The following MRPS18A variants were observed in gnomAD, a reference collection of about 807,000 sequenced individuals.
The protein encoded by MRPS18A is mitochondrial ribosomal protein S18A, also known as large ribosomal subunit protein mL66.
Under a neutral mutation model 22.7 loss-of-function variants are expected in MRPS18A, and 20 were observed. The ratio of observed to expected loss-of-function variants is 0.88; its 90% confidence interval spans 0.62 to 1.28. MRPS18A has a LOEUF of 1.28. MRPS18A is among the 50% of genes most tolerant of loss of function. MRPS18A has a pLI of 0.00. For missense variants in MRPS18A, 294 were observed against 262.6 expected (o/e 1.12, Z -0.83); for synonymous variants, 106 against 99.1 (o/e 1.07, Z -0.41).
At chr6:43,681,248 C>T (rs1168548108) in intron 1 of MRPS18A, 128 bp from the exon 2 acceptor site, 2 of 966,342 alleles carry the variant, frequency 2.1e-6, no homozygotes, top group East Asian at 5.3e-5. Context: ...ATGGTCTCCA[C>T]CTAGAACAGA....
intron 1 of MRPS18A, among the ~76,000 whole-genome samples, chr6:43,686,583 G>A (rs960554124): frequency 1.3e-5 from 2 of 152,172 alleles, no homozygotes; most frequent in African/African-American, 4.8e-5. Flanking sequence ...GCTACAAAGA[G>A]ACCTCTTCTG....
Position 43,673,621 on chromosome 6 carries a change from C to A in MRPS18A, c.446+1581G>T, listed in dbSNP as rs989799231. ...TCCAGCCAGCTCTTTGGGAACACCC[C>A]AGCTCTAGCAAGAACCAAGTCTCTT... On this transcript the variant is annotated intron_variant, in intron 5 of 5. Transcript: ENST00000372133. This position sits in a 1 kb window ranked among gnomAD's most constrained non-coding sequence, Gnocchi z 4.2. Among the ~76,000 whole-genome samples, 1 of 152,284 alleles carries A rather than the reference C, an allele frequency of 6.6e-6. No individual in the cohort carries two copies. The highest frequency in any genetic ancestry group is 2.4e-5 in the African/African-American group (1 of 41,560).
In MRPS18A at chr6:43,678,533, G is replaced by A. The variant is rs763127878; in HGVS notation, c.237C>T (p.His79=). The change falls in exon 3 of 6, where the codon CAC becomes CAT. Residue 79 remains histidine, a synonymous_variant. Transcript: ENST00000372133. ...CCAGACTCACGTCATAGTTATACTT[G>A]TGCTTCAGGTTCCAACGGCAGATGG... is the stretch of plus-strand genomic sequence containing the variant. The part of the protein sequence containing the change: ...QCPICRWNLK[H]KYNYDDVLLL... 1 of 1,611,872 alleles carries A rather than the reference G, an allele frequency of 6.2e-7. No individual in the cohort carries two copies. Among genetic ancestry groups the A allele is most frequent in the Admixed American group, 1.7e-5 (1 of 60,010 alleles).
Position 43,687,663 on chromosome 6 carries a change from C to G in MRPS18A, c.112+5G>C. On this transcript the variant is annotated splice_donor_5th_base_variant and intron_variant, in intron 1 of 5. Transcript: ENST00000372133. ...TTCAGGAGGTTGCTGGGACGCATGA[C>G]TCACCTTCCCTGAACCCGCGAGCTG... is the stretch of plus-strand genomic sequence containing the variant. The G allele has an allele frequency of 9.3e-7, 1 of 1,072,712 alleles. No individual in the cohort carries two copies. The highest frequency in any genetic ancestry group is 1.3e-6 in the Non-Finnish European group (1 of 745,796). The allele number at this position is 1,072,712 out of a possible 1,614,324, so 66.4% of individuals were successfully genotyped here.
At chr6:43,679,012 G>C (rs1212598669) in intron 2 of MRPS18A, among the ~76,000 whole-genome samples, 2 of 152,166 alleles carry the variant, frequency 1.3e-5, no homozygotes, top group Non-Finnish European at 2.9e-5. Context: ...ACATGCACAT[G>C]GTAAAAAGTT....
intron 1 of MRPS18A, among the ~76,000 whole-genome samples, chr6:43,684,638 C>G (rs1374415776): frequency 1.3e-5 from 2 of 152,076 alleles, no homozygotes. Context: ...GACTATGTCC[C>G]CTGAATTCTT....
At position 43,671,697 on chromosome 6, in the gene MRPS18A, C is replaced by A; in HGVS notation, c.*65G>T. Reference sequence around the variant, plus strand: ...ACAGGAGTATAGTTGTGGCCAAGGGCTTGTGAGTGGGCCTCCTACTCCCCA... The same window carrying A: ...ACAGGAGTATAGTTGTGGCCAAGGGATTGTGAGTGGGCCTCCTACTCCCCA... On this transcript the variant is annotated 3_prime_UTR_variant, in exon 6 of 6. Coordinates refer to ENST00000372133, the MANE Select transcript of MRPS18A (RefSeq NM_018135.4). 2 of 1,595,452 alleles carry A rather than the reference C, an allele frequency of 1.3e-6. No individual in the cohort carries two copies. The highest frequency in any genetic ancestry group is 1.7e-6 in the Non-Finnish European group (2 of 1,164,756).
chr6:43,679,284 A>G (rs1774252104), intron 2 of MRPS18A, among the ~76,000 whole-genome samples: 1 of 152,202 alleles, frequency 6.6e-6, no homozygotes, highest in African/African-American at 2.4e-5. Context: ...AGCCCTCACA[A>G]CAAAGAATTA....
chr6:43,675,351 C>A, intron 4 of MRPS18A, 80 bp from the exon 5 acceptor site: 1 of 1,582,308 alleles, frequency 6.3e-7, no homozygotes. Context: ...CCCAAGGGAG[C>A]GGGAAGGTTG....
chr6:43,671,896 G>A lies in MRPS18A; in HGVS notation c.457C>T (p.Arg153Cys), dbSNP rs200626450. The A allele has an allele frequency of 1.7e-4, 279 of 1,609,344 alleles. 1 individual carries two copies. The South Asian group carries it at 2.3e-3, about 13-fold the overall frequency. ...GGCTTGACGGAGCCAGGAGCCCAGC[G>A]CGTCAGGTACCTGTGGAGGGAGAAC... is the stretch of plus-strand genomic sequence containing the variant. ...SKPQLNRYLT[R>C]WAPGSVKPIY... The change falls in exon 6 of 6, where the codon CGC becomes TGC. Residue 153 changes from arginine to cysteine, a missense_variant. By Grantham distance (180) the Arg-to-Cys change is radical (BLOSUM62 -3). Coordinates refer to ENST00000372133, the MANE Select transcript of MRPS18A (RefSeq NM_018135.4).
intron 1 of MRPS18A, among the ~76,000 whole-genome samples, chr6:43,685,972 T>C (rs572227248): frequency 1.3e-5 from 2 of 152,322 alleles, no homozygotes; most frequent in African/African-American, 4.8e-5. Flanking sequence ...CCATCCTTTT[T>C]TACTTTTTTT....
chr6:43,672,513 C>A, intron 5 of MRPS18A: 1 of 454,892 alleles, frequency 2.2e-6, no homozygotes, highest in Non-Finnish European at 4.6e-6. Flanking sequence ...TTGGGGATGG[C>A]CAGGGCCCTG....
rs1285966368 is a variant in MRPS18A, at chr6:43,673,557, C to T, written c.446+1645G>A. Among the ~76,000 whole-genome samples the T allele has an allele frequency of 1.3e-5, 2 of 152,258 alleles. No individual in the cohort carries two copies. The highest frequency in any genetic ancestry group is 4.8e-5 in the African/African-American group (2 of 41,470). ...GGCCTTGGGCCTGATGCCTGCGCCA[C>T]ACGGAGCGGCCAGCTGGCAGGGGGT... On this transcript the variant is annotated intron_variant, in intron 5 of 5. Coordinates refer to ENST00000372133, the MANE Select transcript of MRPS18A (RefSeq NM_018135.4). The surrounding 1 kb of genome is among the most constrained non-coding windows in gnomAD (Gnocchi z 4.2).
chr6:43,683,355 C>CA (rs1774517901), intron 1 of MRPS18A, among the ~76,000 whole-genome samples: 1 of 152,156 alleles, frequency 6.6e-6, no homozygotes, highest in Non-Finnish European at 1.5e-5. Flanking sequence ...TGTCTTAGTG[C>CA]AGGGGGAGAA....
At chr6:43,686,692 C>T (rs1774720550) in intron 1 of MRPS18A, among the ~76,000 whole-genome samples, 1 of 152,186 alleles carries the variant, frequency 6.6e-6, no homozygotes. Context: ...TCTCAGCTTT[C>T]GTTAAAGGAT....
rs1027570730 is a variant in MRPS18A, at chr6:43,673,197, AGGCT to A, written c.447-1295_447-1292del. ...GAGACGTGGTTTCCTCATGTTGGCCAGGCTGGTCTTGAACTCCTGACCTCAAGTG... is the reference window on the plus strand; with the variant it reads ...GAGACGTGGTTTCCTCATGTTGGCCAGGTCTTGAACTCCTGACCTCAAGTG... On this transcript the variant is annotated intron_variant, in intron 5 of 5. Transcript: ENST00000372133. This position sits in a 1 kb window ranked among gnomAD's most constrained non-coding sequence, Gnocchi z 4.2. 1.3e-5 allele frequency among the ~76,000 whole-genome samples: 2 copies of A among 152,034 alleles called. No individual in the cohort carries two copies. Among genetic ancestry groups the A allele is most frequent in the African/African-American group, 4.8e-5 (2 of 41,368 alleles).
intron 2 of MRPS18A, among the ~76,000 whole-genome samples, 170 bp from the exon 3 acceptor site, chr6:43,678,795 T>C (rs1478885405): frequency 6.6e-6 from 1 of 152,216 alleles, no homozygotes; most frequent in Non-Finnish European, 1.5e-5. Context: ...TATTCTGTAG[T>C]TGCCGTATGC....
chr6:43,674,455 CT>C lies in MRPS18A; in HGVS notation c.446+746del, dbSNP rs138472680. Among the ~76,000 whole-genome samples, 789 of 152,302 alleles carry C rather than the reference CT, an allele frequency of 5.2e-3. 5 individuals are homozygous for C. The highest frequency in any genetic ancestry group is 7.6e-3 in the Non-Finnish European group (514 of 68,030). ...GGCCATTGGTAGGGAGAAGAACCCCCTCAAATCAATTCTACAGACCTGGCTC... is the reference window on the plus strand; with the variant it reads ...GGCCATTGGTAGGGAGAAGAACCCCCCAAATCAATTCTACAGACCTGGCTC... On this transcript the variant is annotated intron_variant, in intron 5 of 5. Transcript: ENST00000372133.
chr6:43,671,776 T>C lies in MRPS18A; in HGVS notation c.577A>G (p.Lys193Glu). ...ACTGCTCTCTGTCAGTGATACAGCT[T>C]CCAAGGTGTTCTTGAGTAGCAGACA... ...DNVCYSRTPWKLYH is the reference protein window; with the variant it reads ...DNVCYSRTPWELYH The change falls in exon 6 of 6, where the codon AAG (lysine) becomes GAG (glutamate). Residue 193 changes from lysine to glutamate, a missense_variant. Lys to Glu is a moderately conservative substitution (Grantham distance 56). Transcript: ENST00000372133. The C allele has an allele frequency of 6.2e-7, 1 of 1,614,180 alleles. No homozygotes were observed. The highest frequency in any genetic ancestry group is 1.1e-5 in the South Asian group (1 of 91,080).
Sources: gnomAD v4.1 joint callset for allele counts (sites outside exome capture counted in the v4.1 genomes callset) on GRCh38, gnomAD v4.1.1 for gene constraint, Gnocchi (gnomAD v3.1) non-coding constraint, MANE v1.5 for transcripts, NCBI Gene and HGNC (gene_info 2026-07-23, HGNC 2026-07-21) for gene names.